The following RGPD2 variants were observed in gnomAD, a reference collection of about 807,000 sequenced individuals.
RGPD2 encodes RANBP2-like and GRIP domain-containing protein 2.
A neutral mutation model predicts 36.0 loss-of-function variants in RGPD2; 2 were observed. The ratio of observed to expected loss-of-function variants is 0.06; its 90% CI spans 0.02 to 0.17. RGPD2 has a LOEUF of 0.17. RGPD2 is among the 10% of genes least tolerant of loss of function. RGPD2 has a pLI of 1.00. For missense variants in RGPD2, 40 were observed against 464.3 expected (o/e 0.09, Z 8.40); for synonymous variants, 19 against 163.8 (o/e 0.12, Z 6.75).
At chr2:87,834,809 T>TA in the RGPD2 span, among the ~76,000 whole-genome samples, 4 of 151,830 alleles carry the variant, frequency 2.6e-5, 1 homozygote, top group Admixed American at 2.6e-4. Flanking sequence ...TGAGGATTTT[T>TA]AAAAAAATGG....
chr2:87,988,806 G>A, the RGPD2 span, among the ~76,000 whole-genome samples: 1 of 151,872 alleles, frequency 6.6e-6, no homozygotes, highest in Non-Finnish European at 1.5e-5. Context: ...CTCACAAAAT[G>A]TTGGGATTAC....
chr2:87,986,278 G>T, the RGPD2 span, among the ~76,000 whole-genome samples: 1 of 150,820 alleles, frequency 6.6e-6, no homozygotes, highest in East Asian at 2.0e-4. Context: ...GGGATTACAG[G>T]CGTCTGCCAC....
chr2:87,958,827 T>A, the RGPD2 span, among the ~76,000 whole-genome samples: 1 of 150,656 alleles, frequency 6.6e-6, no homozygotes, highest in East Asian at 2.0e-4. Context: ...CCCTCAACAT[T>A]TCTGATGGAA....
At chr2:87,943,392 T>C in the RGPD2 span, among the ~76,000 whole-genome samples, 1 of 151,878 alleles carries the variant, frequency 6.6e-6, no homozygotes, top group Non-Finnish European at 1.5e-5. Flanking sequence ...TGGCCACTTG[T>C]ATTTTTTTGA....
At chr2:87,880,021 T>TA in the RGPD2 span, among the ~76,000 whole-genome samples, 1 of 85,450 alleles carries the variant, frequency 1.2e-5, no homozygotes, top group Non-Finnish European at 2.2e-5. Flanking sequence ...AGATGGGAGG[T>TA]AAAACTCATT....
the RGPD2 span, among the ~76,000 whole-genome samples, chr2:87,984,176 C>G: frequency 6.6e-6 from 1 of 151,414 alleles, no homozygotes; most frequent in Non-Finnish European, 1.5e-5. Context: ...GATAAAATTT[C>G]TCAGGAAGCT....
At chr2:87,874,299 T>C in the RGPD2 span, among the ~76,000 whole-genome samples, 1 of 122,154 alleles carries the variant, frequency 8.2e-6, no homozygotes, top group South Asian at 2.8e-4. Context: ...CCCATGCCTA[T>C]GTCCTAAATG....
At chr2:87,938,349 A>C in the RGPD2 span, among the ~76,000 whole-genome samples, 21 of 151,688 alleles carry the variant, frequency 1.4e-4, no homozygotes, top group African/African-American at 4.1e-4. Context: ...CCTTAATGTC[A>C]CAAAATGTCC....
intron 21 of RGPD2, among the ~76,000 whole-genome samples, chr2:87,772,831 C>T (rs1049624272): frequency 1.3e-5 from 2 of 150,956 alleles, no homozygotes; most frequent in Non-Finnish European, 3.0e-5. Flanking sequence ...CCAAGTATCA[C>T]TGACAGGAGA....
At chr2:87,977,934 G>A in the RGPD2 span, among the ~76,000 whole-genome samples, 1 of 150,940 alleles carries the variant, frequency 6.6e-6, no homozygotes, top group African/African-American at 2.4e-5. Flanking sequence ...TGTCCAACAT[G>A]GTGAAACGTG....
the RGPD2 span, among the ~76,000 whole-genome samples, chr2:87,879,804 T>C: frequency 1.4e-4 from 3 of 21,570 alleles, no homozygotes; most frequent in East Asian, 2.1e-3. Flanking sequence ...TTTGATATAA[T>C]GATTTACTTT....
chr2:87,915,429 ATATG>A, the RGPD2 span, among the ~76,000 whole-genome samples: 3 of 141,068 alleles, frequency 2.1e-5, no homozygotes, highest in Non-Finnish European at 4.6e-5. Context: ...GTATATGTAT[ATATG>A]TATGTGTATA....
the RGPD2 span, among the ~76,000 whole-genome samples, chr2:87,983,224 G>A: frequency 6.6e-6 from 1 of 152,216 alleles, no homozygotes; most frequent in Non-Finnish European, 1.5e-5. Flanking sequence ...GGAGGCTGAG[G>A]CACAAGAATC....
At chr2:87,871,725 C>A in the RGPD2 span, among the ~76,000 whole-genome samples, 1 of 151,482 alleles carries the variant, frequency 6.6e-6, no homozygotes, top group African/African-American at 2.4e-5. Context: ...ATTAGCCGGG[C>A]GTGGTGGTGC....
the RGPD2 span, among the ~76,000 whole-genome samples, chr2:87,974,769 C>G: frequency 6.6e-6 from 1 of 152,208 alleles, no homozygotes; most frequent in Non-Finnish European, 1.5e-5. Flanking sequence ...CACATCCAGC[C>G]ACCACTAAAT....
intron 1 of RGPD2, among the ~76,000 whole-genome samples, 190 bp downstream of exon 1, chr2:87,825,468 G>GGCC (rs1234633548): frequency 1.2e-5 from 1 of 80,954 alleles, no homozygotes; most frequent in African/African-American, 4.6e-5. Context: ...CCGAGGCCGA[G>GGCC]GCCGCCGTCG....
the RGPD2 span, among the ~76,000 whole-genome samples, chr2:87,960,049 C>T: frequency 8.0e-5 from 2 of 24,908 alleles, no homozygotes; most frequent in Admixed American, 5.3e-4. Flanking sequence ...TTTGTAGTTT[C>T]TTTTTGGGGG....
chr2:87,825,915 G>T, upstream of RGPD2: 1 of 733,586 alleles, frequency 1.4e-6, no homozygotes, highest in Non-Finnish European at 2.1e-6. Flanking sequence ...GCACTCGGCC[G>T]GGCTCTTGGC....
chr2:87,916,243 TA>T, the RGPD2 span, among the ~76,000 whole-genome samples: 1 of 144,654 alleles, frequency 6.9e-6, no homozygotes, highest in Non-Finnish European at 1.5e-5. Context: ...TTAATTCTTA[TA>T]TATTGTTCTA....
Sources: allele counts gnomAD v4.1 joint callset (sites outside exome capture counted in the v4.1 genomes callset), GRCh38; gene constraint gnomAD v4.1.1; transcripts MANE v1.5; gene names NCBI Gene and HGNC (gene_info 2026-07-23, HGNC 2026-07-21).